The following SGCD variants were observed in gnomAD, a reference collection of about 807,000 sequenced individuals.
The protein encoded by SGCD is delta-sarcoglycan.
In SGCD, 18 loss-of-function variants were observed where a neutral mutation model predicts 36.6. The observed-to-expected ratio is 0.49, with a 90% CI of 0.34 to 0.73. SGCD has a LOEUF of 0.73. SGCD is among the 30% of genes least tolerant of loss of function. The pLI, the probability that SGCD is intolerant of heterozygous loss-of-function variation, is 0.01. For synonymous variants in SGCD, 133 were observed against 130.6 expected (o/e 1.02, Z -0.12); for missense variants, 387 against 346.7 (o/e 1.12, Z -0.92).
At chr5:156,362,903 T>A (rs1212685701) in intron 3 of SGCD, among the ~76,000 whole-genome samples, 3 of 152,190 alleles carry the variant, frequency 2.0e-5, no homozygotes, top group Admixed American at 1.3e-4. Flanking sequence ...TAAGGGGTAC[T>A]CTTGAGAAAT....
At chr5:156,481,881 C>T (rs894545102) in intron 3 of SGCD, among the ~76,000 whole-genome samples, 2 of 152,126 alleles carry the variant, frequency 1.3e-5, no homozygotes, top group African/African-American at 2.4e-5. Context: ...TGAAGAGGTG[C>T]CAGCTTCCTT....
At chr5:156,619,728 C>T (rs1762169288) in intron 6 of SGCD, among the ~76,000 whole-genome samples, 1 of 152,092 alleles carries the variant, frequency 6.6e-6, no homozygotes, top group Non-Finnish European at 1.5e-5. Context: ...ATAAGAAAAT[C>T]TCAGTGCACA....
the SGCD span, among the ~76,000 whole-genome samples, chr5:155,764,457 G>A: frequency 1.3e-5 from 2 of 152,160 alleles, no homozygotes; most frequent in South Asian, 2.1e-4. Flanking sequence ...ATCTGTGCTC[G>A]TAGGTTGCAG....
chr5:155,754,574 G>T, the SGCD span, among the ~76,000 whole-genome samples: 4 of 152,208 alleles, frequency 2.6e-5, no homozygotes, highest in African/African-American at 9.7e-5. Context: ...CAATTACCCA[G>T]ATAATCACAT....
intron 4 of SGCD, among the ~76,000 whole-genome samples, chr5:156,520,245 A>G (rs1424693007): frequency 6.6e-6 from 1 of 151,590 alleles, no homozygotes; most frequent in Non-Finnish European, 1.5e-5. Flanking sequence ...GAGCCAAATC[A>G]TGAATGAACT....
the SGCD span, among the ~76,000 whole-genome samples, chr5:155,826,874 C>T: frequency 3.9e-4 from 60 of 152,336 alleles, 1 homozygote; most frequent in South Asian, 0.012. Context: ...GAAAGGGCTA[C>T]AACCAGTCTG....
Position 156,743,721 on chromosome 5 carries a change from CA to C in SGCD, c.576-13859del, listed in dbSNP as rs1408295008. Among the ~76,000 whole-genome samples, 5 of 152,334 alleles carry C rather than the reference CA, an allele frequency of 3.3e-5. No homozygotes were observed. The East Asian group carries it at 9.6e-4, about 29-fold the overall frequency. ...AGTCTTCAAATGAGACTATCCAATA[CA>C]TTTCTTAAGTCTTTAGAGTAGAAGC... On this transcript the variant is annotated intron_variant, in intron 7 of 8. Coordinates refer to ENST00000337851, the MANE Select transcript of SGCD (RefSeq NM_000337.6).
intron 1 of SGCD, among the ~76,000 whole-genome samples, chr5:155,925,443 T>C (rs1756977052): frequency 6.6e-6 from 1 of 152,174 alleles, no homozygotes; most frequent in African/African-American, 2.4e-5. Flanking sequence ...AGCAAAGGAT[T>C]GTTTCTTGCC....
chr5:156,336,198 C>T (rs951699979), intron 2 of SGCD, among the ~76,000 whole-genome samples: 2 of 152,202 alleles, frequency 1.3e-5, no homozygotes, highest in Non-Finnish European at 2.9e-5. Flanking sequence ...TGCCTCAGGG[C>T]CTTTGCACTT....
chr5:155,878,924 G>A (rs1580967093), intron 1 of SGCD, among the ~76,000 whole-genome samples: 1 of 151,990 alleles, frequency 6.6e-6, no homozygotes, highest in South Asian at 2.1e-4. Flanking sequence ...AGTTTCACTT[G>A]GCTTTGTTTG....
Position 156,054,253 on chromosome 5 carries a change from C to T in SGCD, c.-281-63625C>T, listed in dbSNP as rs907224491. Reference sequence around the variant, plus strand: ...ACCAAACATCTGGATGTTTGGATTCCAGTTAAACCAATTAAACATGAACTT... The same window carrying T: ...ACCAAACATCTGGATGTTTGGATTCTAGTTAAACCAATTAAACATGAACTT... On this transcript the variant is annotated intron_variant, in intron 1 of 9. Transcript: ENST00000517913. Among the ~76,000 whole-genome samples the T allele has an allele frequency of 5.6e-5, 8 of 142,370 alleles. 1 individual carries two copies. Among genetic ancestry groups the T allele is most frequent in the African/African-American group, 1.5e-4 (6 of 39,908 alleles). The allele number at this position is 142,370 out of a possible 152,430, so 93.4% of individuals were successfully genotyped here. A position where few individuals can be genotyped will look rare whatever the true frequency, so the allele number is the denominator to read the frequency against.
intron 3 of SGCD, among the ~76,000 whole-genome samples, chr5:156,152,604 T>G (rs1028615931): frequency 6.6e-6 from 1 of 151,692 alleles, no homozygotes; most frequent in African/African-American, 2.4e-5. Context: ...GTTGCATACT[T>G]CACCCATTTC....
At chr5:156,579,770 A>T (rs1250751455) in intron 4 of SGCD, among the ~76,000 whole-genome samples, 5 of 151,988 alleles carry the variant, frequency 3.3e-5, no homozygotes, top group Admixed American at 2.6e-4. Context: ...TGCTTGGTAG[A>T]TCTTCCTCCA....
intron 6 of SGCD, among the ~76,000 whole-genome samples, chr5:156,598,774 A>G (rs35978892): frequency 0.035 from 5,395 of 152,142 alleles, 158 homozygotes; most frequent in Non-Finnish European, 0.053. Flanking sequence ...AACATCCAAA[A>G]CTCTGTGATG....
the SGCD span, among the ~76,000 whole-genome samples, chr5:155,852,027 A>T: frequency 6.6e-6 from 1 of 152,210 alleles, no homozygotes; most frequent in Non-Finnish European, 1.5e-5. Flanking sequence ...CTGGAACATG[A>T]TAGGAGCTCA....
chr5:155,890,955 A>G lies in SGCD; in HGVS notation c.-282+20531A>G, dbSNP rs146603750. On this transcript the variant is annotated intron_variant, in intron 1 of 9. Coordinates refer to the SGCD transcript ENST00000517913. ...GCAGAAGAAACTGATTATCAGCCTC[A>G]TTGTGTCTCCCTACCATGTGGGAAA... Among the ~76,000 whole-genome samples, 1,215 of 152,192 alleles carry G rather than the reference A, an allele frequency of 8.0e-3. 7 individuals carry two copies. The highest frequency in any genetic ancestry group is 0.022 in the African/African-American group (930 of 41,526).
intron 1 of SGCD, among the ~76,000 whole-genome samples, chr5:156,094,228 TGGCAGGATCTGTAA>T (rs1431036087): frequency 4.6e-5 from 7 of 152,166 alleles, no homozygotes; most frequent in Admixed American, 2.6e-4. Context: ...GCTGCTGCTG[TGGCAGGATCTGTAA>T]GGGGGAGGGT....
chr5:156,329,723 T>A (rs1561623066), intron 2 of SGCD, 144 bp downstream of exon 2: 7 of 810,930 alleles, frequency 8.6e-6, no homozygotes, highest in Admixed American at 2.6e-5. Flanking sequence ...TTTTTTATTT[T>A]AAAAAATCTG....
Position 156,333,783 on chromosome 5 carries a change from A to ATTTTTTTTTTTTTTTTTT in SGCD, c.3+4224_3+4241dup, listed in dbSNP as rs70984404. ...GTGCTTTCTTTATGTTAGAAAAGTG[A>ATTTTTTTTTTTTTTTTTT]TTTTTTTTTTTTTTTTTTTTTTTTT... is the stretch of plus-strand genomic sequence containing the variant. On this transcript the variant is annotated intron_variant, in intron 2 of 8. Coordinates refer to ENST00000337851, the MANE Select transcript of SGCD (RefSeq NM_000337.6). 6.5e-4 allele frequency among the ~76,000 whole-genome samples: 13 copies of ATTTTTTTTTTTTTTTTTT among 19,966 alleles called. 3 individuals are homozygous for ATTTTTTTTTTTTTTTTTT. Among genetic ancestry groups the ATTTTTTTTTTTTTTTTTT allele is most frequent in the African/African-American group, 1.1e-3 (6 of 5,236 alleles). The allele number at this position is 19,966 out of a possible 152,430, so 13.1% of individuals were successfully genotyped here. A position where few individuals can be genotyped will look rare whatever the true frequency, so the allele number is the denominator to read the frequency against.
Sources: allele counts gnomAD v4.1 joint callset (sites outside exome capture counted in the v4.1 genomes callset), GRCh38; gene constraint gnomAD v4.1.1; transcripts MANE v1.5; gene names NCBI Gene and HGNC (gene_info 2026-07-23, HGNC 2026-07-21).